Variants in ANP32B observed in about 807,000 individuals in gnomAD.
ANP32B encodes acidic leucine-rich nuclear phosphoprotein 32 family member B.
In ANP32B, 6 loss-of-function variants were observed where a neutral mutation model predicts 32.2. That is an observed-to-expected ratio of 0.19 (90% CI 0.10 to 0.37). The LOEUF is 0.37. Among genes scored for constraint, ANP32B ranks in the 10% least tolerant of loss-of-function variants. The probability of loss-of-function intolerance (pLI) is 1.00; values close to 1 mark genes in which losing one functional copy is unlikely to be tolerated. For synonymous variants in ANP32B, 98 were observed against 105.8 expected (o/e 0.93, Z 0.45); for missense variants, 204 against 289.2 (o/e 0.71, Z 2.14).
At chr9:98,005,587 C>T (rs775636284) in intron 4 of ANP32B, among the ~76,000 whole-genome samples, 4 of 152,000 alleles carry the variant, frequency 2.6e-5, no homozygotes, top group Non-Finnish European at 4.4e-5. Flanking sequence ...CGTGCGCACG[C>T]GTGTATTTTT....
At chr9:97,989,323 C>G (rs1004449045) in intron 1 of ANP32B, among the ~76,000 whole-genome samples, 2 of 152,060 alleles carry the variant, frequency 1.3e-5, no homozygotes, top group Non-Finnish European at 2.9e-5. Flanking sequence ...CTACTGTTTG[C>G]TGGTAACTGT....
At chr9:98,004,854 T>C (rs1019082341) in intron 3 of ANP32B, 110 bp from the exon 4 acceptor site, 1 of 753,448 alleles carries the variant, frequency 1.3e-6, no homozygotes, top group Non-Finnish European at 2.1e-6. Flanking sequence ...TGAGGCTGAG[T>C]GGGTAGTGGA....
At chr9:97,984,078 G>A (rs1282697134) in intron 1 of ANP32B, among the ~76,000 whole-genome samples, 1 of 149,924 alleles carries the variant, frequency 6.7e-6, no homozygotes, top group African/African-American at 2.4e-5. Context: ...GCGCGGGTGG[G>A]GCGGGACGGG....
intron 1 of ANP32B, 43 bp from the exon 2 acceptor site, chr9:97,994,588 A>G (rs779513805): frequency 3.0e-5 from 47 of 1,565,432 alleles, no homozygotes; most frequent in South Asian, 1.7e-4. Flanking sequence ...TTTGTTTTCA[A>G]TGTGTTTTTG....
intron 4 of ANP32B, among the ~76,000 whole-genome samples, chr9:98,007,420 C>T (rs1209842271): frequency 4.6e-5 from 7 of 152,188 alleles, no homozygotes; most frequent in East Asian, 1.9e-4. Flanking sequence ...GATGAGTCAC[C>T]GTGGTACACA....
At chr9:98,014,178 C>T (rs936142874) in intron 6 of ANP32B, among the ~76,000 whole-genome samples, 22 of 152,112 alleles carry the variant, frequency 1.4e-4, no homozygotes, top group East Asian at 5.8e-4. Flanking sequence ...GAGGCCGAGG[C>T]GGGTGGATCA....
intron 1 of ANP32B, among the ~76,000 whole-genome samples, chr9:97,984,863 C>A (rs1827684082): frequency 6.7e-6 from 1 of 150,282 alleles, no homozygotes; most frequent in Non-Finnish European, 1.5e-5. Flanking sequence ...GGATTTTGGG[C>A]GGGCTTCGGC....
At chr9:97,994,891 C>A in intron 2 of ANP32B, 111 bp downstream of exon 2, 1 of 1,076,022 alleles carries the variant, frequency 9.3e-7, no homozygotes, top group Non-Finnish European at 1.3e-6. Context: ...GCCTTTGGAA[C>A]TGGGCAGATA....
chr9:98,012,296 A>G, intron 5 of ANP32B, 125 bp from the exon 6 acceptor site: 1 of 1,134,652 alleles, frequency 8.8e-7, no homozygotes. Context: ...AAATAACATT[A>G]CAGTTTCCTG....
At chr9:97,989,629 T>C (rs1419706924) in intron 1 of ANP32B, among the ~76,000 whole-genome samples, 2 of 152,184 alleles carry the variant, frequency 1.3e-5, no homozygotes, top group East Asian at 3.9e-4. Context: ...TTTTCTCCTT[T>C]GATTAGGACC....
intron 3 of ANP32B, among the ~76,000 whole-genome samples, chr9:98,000,807 A>T (rs1241319508): frequency 6.6e-6 from 1 of 151,812 alleles, no homozygotes; most frequent in Non-Finnish European, 1.5e-5. Context: ...CTATAATTCC[A>T]GCTACTTGGG....
At position 98,015,464 on chromosome 9, in the gene ANP32B, C is replaced by T. The variant is rs1828259707; in HGVS notation, c.*33C>T. On this transcript the variant is annotated 3_prime_UTR_variant, in exon 7 of 7. Coordinates refer to ENST00000339399, the MANE Select transcript of ANP32B (RefSeq NM_006401.3). ...GATGACCTGCAGAAACAGAACTGTT[C>T]AGTATTGGTTGGACTGCTCATGGAT... 6.5e-7 allele frequency: 1 copy of T among 1,545,170 alleles called. No homozygotes were observed. Among genetic ancestry groups the T allele is most frequent in the Admixed American group, 2.0e-5 (1 of 50,690 alleles).
intron 3 of ANP32B, among the ~76,000 whole-genome samples, chr9:98,002,029 A>G (rs1327742041): frequency 1.3e-5 from 2 of 152,170 alleles, no homozygotes; most frequent in Non-Finnish European, 2.9e-5. Flanking sequence ...CCATTCTGCT[A>G]TACTTGGCAC....
intron 3 of ANP32B, among the ~76,000 whole-genome samples, chr9:98,000,410 C>A (rs1827970522): frequency 6.6e-6 from 1 of 152,190 alleles, no homozygotes; most frequent in Admixed American, 6.5e-5. Context: ...GATACTCGGG[C>A]TCTTACTAGT....
chr9:98,008,064 G>A (rs949825287), intron 4 of ANP32B, among the ~76,000 whole-genome samples: 2 of 151,894 alleles, frequency 1.3e-5, no homozygotes, highest in Non-Finnish European at 2.9e-5. Flanking sequence ...AGAGATAAAC[G>A]TGTACCATCC....
chr9:97,989,689 C>G (rs1025177826), intron 1 of ANP32B, among the ~76,000 whole-genome samples: 2 of 152,064 alleles, frequency 1.3e-5, no homozygotes, highest in Admixed American at 6.6e-5. Context: ...CATCTTGACC[C>G]CAGCTCCACT....
At chr9:97,997,415 A>G (rs1323072360) in intron 2 of ANP32B, among the ~76,000 whole-genome samples, 1 of 152,264 alleles carries the variant, frequency 6.6e-6, no homozygotes, top group African/African-American at 2.4e-5. Flanking sequence ...AGTACATTTC[A>G]TTGCATGGCA....
chr9:97,999,435 G>A (rs1352274264), intron 3 of ANP32B, among the ~76,000 whole-genome samples: 1 of 152,162 alleles, frequency 6.6e-6, no homozygotes, highest in Admixed American at 6.5e-5. Flanking sequence ...TAAGCTTTGG[G>A]TCGTGTAATT....
chr9:98,006,486 C>T (rs1828085632), intron 4 of ANP32B, among the ~76,000 whole-genome samples: 1 of 151,960 alleles, frequency 6.6e-6, no homozygotes, highest in African/African-American at 2.4e-5. Flanking sequence ...GAGTAAAAAA[C>T]GTCGCTGGAG....
Sources: allele counts gnomAD v4.1 joint callset (sites outside exome capture counted in the v4.1 genomes callset), GRCh38; gene constraint gnomAD v4.1.1; transcripts MANE v1.5; gene names NCBI Gene and HGNC (gene_info 2026-07-23, HGNC 2026-07-21).